The following TGM6 variants were observed in gnomAD, a reference collection of about 807,000 sequenced individuals.
The protein encoded by TGM6 is protein-glutamine gamma-glutamyltransferase 6.
Under a neutral mutation model 77.5 loss-of-function variants are expected in TGM6, and 74 were observed. The ratio of observed to expected loss-of-function variants is 0.96; its 90% CI spans 0.79 to 1.16. TGM6 has a LOEUF of 1.16. Among genes scored for constraint, TGM6 ranks in the 50% most tolerant of loss-of-function variants. The pLI is 0.00. For missense variants in TGM6, 968 were observed against 940.2 expected (o/e 1.03, Z -0.39); for synonymous variants, 383 against 378.9 (o/e 1.01, Z -0.12).
chr20:2,407,235 T>C (rs1438930412), intron 9 of TGM6, among the ~76,000 whole-genome samples: 1 of 152,240 alleles, frequency 6.6e-6, no homozygotes, highest in Non-Finnish European at 1.5e-5. Flanking sequence ...TACATTTAGG[T>C]TAACAAAAAT....
At chr20:2,405,190 G>A (rs1486951741) in intron 9 of TGM6, among the ~76,000 whole-genome samples, 1 of 152,186 alleles carries the variant, frequency 6.6e-6, no homozygotes, top group Non-Finnish European at 1.5e-5. Flanking sequence ...CTGAATAGCA[G>A]CAACATTCCC....
chr20:2,395,464 G>T (rs201675589), intron 3 of TGM6, 28 bp downstream of exon 3: 1 of 1,614,094 alleles, frequency 6.2e-7, no homozygotes, highest in African/African-American at 1.3e-5. Flanking sequence ...CAATGCAGAG[G>T]TTTTTCCAAA....
chr20:2,429,546 G>C (rs187738320), intron 10 of TGM6, among the ~76,000 whole-genome samples: 1 of 152,098 alleles, frequency 6.6e-6, no homozygotes, highest in African/African-American at 2.4e-5. Context: ...CAAGGCGAGA[G>C]GATCATGAGG....
chr20:2,386,095 C>T (rs1351627165), intron 1 of TGM6, among the ~76,000 whole-genome samples: 2 of 152,156 alleles, frequency 1.3e-5, no homozygotes, highest in Non-Finnish European at 2.9e-5. Flanking sequence ...TATCTCCTCG[C>T]CTTGGGCTGC....
Position 2,394,535 on chromosome 20 carries a change from G to C in TGM6, c.91G>C (p.Val31Leu), listed in dbSNP as rs752375698. ...HTQEYPCPEL[V>L]VRRGQSFSLT... ...CCAGGAGTACCCCTGCCCTGAGCTG[G>C]TGGTTCGCAGGGGCCAGTCGTTCAG... Residue 31 changes from valine to leucine, a missense_variant, in exon 2 of 13, where the codon GTG (valine) becomes CTG (leucine). Val to Leu is a conservative substitution (Grantham distance 32). Transcript: ENST00000202625. 1 of 1,612,052 alleles carries C rather than the reference G, an allele frequency of 6.2e-7. No homozygotes were observed. Among genetic ancestry groups the C allele is most frequent in the East Asian group, 2.2e-5 (1 of 44,872 alleles).
intron 10 of TGM6, among the ~76,000 whole-genome samples, chr20:2,419,084 A>G (rs924021391): frequency 5.9e-5 from 9 of 152,018 alleles, no homozygotes; most frequent in Non-Finnish European, 1.2e-4. Flanking sequence ...ATCCTCTTTG[A>G]TTATTCTTGC....
chr20:2,422,137 A>AT (rs983009626), intron 10 of TGM6, among the ~76,000 whole-genome samples: 43 of 152,170 alleles, frequency 2.8e-4, no homozygotes, highest in African/African-American at 7.9e-4. Flanking sequence ...ATCTCAAAAA[A>AT]ATATATATAT....
chr20:2,392,982 C>T (rs1266850592), intron 1 of TGM6, among the ~76,000 whole-genome samples: 1 of 152,204 alleles, frequency 6.6e-6, no homozygotes, highest in Non-Finnish European at 1.5e-5. Flanking sequence ...AGGACCTCCT[C>T]ATAACCATTG....
chr20:2,407,217 C>A (rs986229870), intron 9 of TGM6, among the ~76,000 whole-genome samples: 2 of 152,182 alleles, frequency 1.3e-5, no homozygotes, highest in African/African-American at 4.8e-5. Context: ...CTGTGGGCAA[C>A]GTGATTTTAC....
At chr20:2,401,777 T>C (rs926761494) in intron 7 of TGM6, among the ~76,000 whole-genome samples, 8 of 152,184 alleles carry the variant, frequency 5.3e-5, no homozygotes, top group African/African-American at 1.9e-4. Context: ...TGCCTCTCAA[T>C]TGCATGAAAA....
intron 1 of TGM6, among the ~76,000 whole-genome samples, chr20:2,385,376 A>T (rs1417807658): frequency 6.6e-6 from 1 of 151,458 alleles, no homozygotes; most frequent in Non-Finnish European, 1.5e-5. Context: ...GGAGGTGTTG[A>T]GGTGGGGGTT....
intron 1 of TGM6, among the ~76,000 whole-genome samples, chr20:2,392,020 T>C (rs1568654399): frequency 6.6e-6 from 1 of 152,216 alleles, no homozygotes; most frequent in Non-Finnish European, 1.5e-5. Context: ...GCAAATAGTT[T>C]TGCTAATCTA....
At chr20:2,423,493 T>C (rs1041270180) in intron 10 of TGM6, among the ~76,000 whole-genome samples, 7 of 152,164 alleles carry the variant, frequency 4.6e-5, no homozygotes, top group Admixed American at 3.9e-4. Context: ...TCTGTTCAAG[T>C]TTTACCATCA....
At chr20:2,396,187 A>C (rs1407964595) in intron 3 of TGM6, among the ~76,000 whole-genome samples, 1 of 152,008 alleles carries the variant, frequency 6.6e-6, no homozygotes, top group African/African-American at 2.4e-5. Flanking sequence ...TCTCAAAAAA[A>C]AAAAAAAAGA....
At chr20:2,419,486 C>T (rs2084841862) in intron 10 of TGM6, among the ~76,000 whole-genome samples, 1 of 152,138 alleles carries the variant, frequency 6.6e-6, no homozygotes, top group Non-Finnish European at 1.5e-5. Flanking sequence ...CTCTGGCTTT[C>T]AGCAATTTTT....
At chr20:2,413,701 A>T (rs1280056640) in intron 9 of TGM6, among the ~76,000 whole-genome samples, 1 of 152,214 alleles carries the variant, frequency 6.6e-6, no homozygotes, top group East Asian at 1.9e-4. Context: ...AAGGGAAATA[A>T]AAAGAATGAA....
chr20:2,411,603 T>C (rs1281017452), intron 9 of TGM6, among the ~76,000 whole-genome samples: 1 of 152,206 alleles, frequency 6.6e-6, no homozygotes, highest in East Asian at 1.9e-4. Flanking sequence ...CAAGATGTCC[T>C]TTTTTGTCAT....
At chr20:2,402,508 T>G (rs986070947) in intron 7 of TGM6, among the ~76,000 whole-genome samples, 3 of 152,202 alleles carry the variant, frequency 2.0e-5, no homozygotes, top group Non-Finnish European at 4.4e-5. Context: ...CACTTCATTT[T>G]GATGTTGGGG....
rs1346244892 is a variant in TGM6 at position 2,394,621 on chromosome 20, G to C, written c.177G>C (p.Glu59Asp). 2 of 1,608,756 alleles carry C rather than the reference G, an allele frequency of 1.2e-6. No individual in the cohort carries two copies. The highest frequency in any genetic ancestry group is 1.7e-6 in the Non-Finnish European group (2 of 1,178,200). Residue 59 changes from glutamate (E) to aspartate (D), a missense_variant, in exon 2 of 13, where the codon GAG (glutamate) becomes GAC (aspartate). Transcript: ENST00000202625. ...DCEEILIFTM[E>D]TGPRASEALH... is the part of the protein sequence containing the mutation. Reference sequence around the variant, plus strand: ...AGGAGATCCTCATCTTCACGATGGAGACAGGTAACTGGGCTTGCCAGCACC... The same window carrying C: ...AGGAGATCCTCATCTTCACGATGGACACAGGTAACTGGGCTTGCCAGCACC...
Sources: gnomAD v4.1 joint callset for allele counts (sites outside exome capture counted in the v4.1 genomes callset) on GRCh38, gnomAD v4.1.1 for gene constraint, MANE v1.5 for transcripts, NCBI Gene and HGNC (gene_info 2026-07-23, HGNC 2026-07-21) for gene names.